The following CREB3L1 variants were observed in gnomAD, a reference collection of about 807,000 sequenced individuals.
The protein encoded by CREB3L1 is cAMP responsive element binding protein 3 like 1.
A neutral mutation model predicts 54.5 loss-of-function variants in CREB3L1; 33 were observed. That is an observed-to-expected ratio of 0.61 (90% CI 0.46 to 0.81). CREB3L1 has a LOEUF of 0.81. Ranked by LOEUF, CREB3L1 falls within the 30% of genes least tolerant of loss-of-function variation. CREB3L1 has a pLI of 0.00. For synonymous variants in CREB3L1, 284 were observed against 286.4 expected, an observed-to-expected ratio of 0.99 and a Z score of 0.08; for missense variants, 656 against 673.3, an observed-to-expected ratio of 0.97 and a Z score of 0.29.
At position 46,312,363 on chromosome 11, in the gene CREB3L1, G is replaced by A; in HGVS notation, c.792G>A (p.Glu264=). 1.2e-6 allele frequency: 2 copies of A among 1,612,666 alleles called. No homozygotes were observed. Among genetic ancestry groups the A allele is most frequent in the Non-Finnish European group, 1.7e-6 (2 of 1,179,284 alleles). The part of the protein sequence containing the change: ...QGTSGPLLLT[E]EEKRTLIAEG... The stretch of plus-strand genomic sequence containing the variant: ...CATCAGGGCCACTGCTCCTGACAGA[G>A]GAGGAGAAGCGGACCCTGATTGCTG... Residue 264 remains glutamate, a synonymous_variant, in exon 6 of 12, where the codon GAG becomes GAA. Transcript: ENST00000621158.
At chr11:46,279,169 ACGC>A (rs1938930744) in intron 1 of CREB3L1, among the ~76,000 whole-genome samples, 3 of 152,080 alleles carry the variant, frequency 2.0e-5, no homozygotes, top group Non-Finnish European at 4.4e-5. Flanking sequence ...GCCTGTTCAC[ACGC>A]CACACACACA....
At position 46,295,587 on chromosome 11, in the gene CREB3L1, C is replaced by A. The variant is rs905498104; in HGVS notation, c.103-4348C>A. Among the ~76,000 whole-genome samples the A allele has an allele frequency of 8.5e-5, 13 of 152,202 alleles. No homozygotes were observed. Among genetic ancestry groups the A allele is most frequent in the Non-Finnish European group, 1.6e-4 (11 of 68,034 alleles). On this transcript the variant is annotated intron_variant, in intron 1 of 11. Transcript: ENST00000621158. This position sits in a 1 kb window ranked among gnomAD's most constrained non-coding sequence, Gnocchi z 4.6. ...CTCAGCCGCGGGCCGTCGGCGCAGG[C>A]CGGGACCCTCCTCCGCGCGAGCCCT... is the stretch of plus-strand genomic sequence containing the variant.
intron 2 of CREB3L1, among the ~76,000 whole-genome samples, chr11:46,305,732 G>GTGTGTGTATA (rs1480133780): frequency 1.7e-5 from 2 of 118,472 alleles, no homozygotes; most frequent in African/African-American, 7.5e-5. Context: ...GTGTGTGTGT[G>GTGTGTGTATA]TATATATATA....
chr11:46,292,974 T>A (rs1939151638), intron 1 of CREB3L1, among the ~76,000 whole-genome samples: 1 of 152,000 alleles, frequency 6.6e-6, no homozygotes, highest in African/African-American at 2.4e-5. Context: ...GGGATCAGAG[T>A]TTGAGACTTG....
At chr11:46,301,252 A>C (rs975311029) in intron 2 of CREB3L1, among the ~76,000 whole-genome samples, 3 of 151,968 alleles carry the variant, frequency 2.0e-5, no homozygotes, top group African/African-American at 4.8e-5. Context: ...GAGGCACAAG[A>C]ACTGCTTGAA....
intron 1 of CREB3L1, among the ~76,000 whole-genome samples, chr11:46,293,341 G>C (rs1021905412): frequency 1.1e-4 from 16 of 152,210 alleles, no homozygotes; most frequent in Non-Finnish European, 1.5e-5. Flanking sequence ...GCTTCCTCCT[G>C]CCCAGACAGT....
At chr11:46,280,801 G>T (rs564072812) in intron 1 of CREB3L1, among the ~76,000 whole-genome samples, 1 of 152,208 alleles carries the variant, frequency 6.6e-6, no homozygotes, top group East Asian at 1.9e-4. Context: ...TCTTCATTCT[G>T]CATGAGGATA....
chr11:46,284,409 G>A (rs1246667342), intron 1 of CREB3L1, among the ~76,000 whole-genome samples: 2 of 152,152 alleles, frequency 1.3e-5, no homozygotes, highest in Admixed American at 6.5e-5. Context: ...CCAACACTTT[G>A]GGAGGCTGAG....
At chr11:46,311,511 T>C (rs943720034) in intron 5 of CREB3L1, among the ~76,000 whole-genome samples, 1 of 138,696 alleles carries the variant, frequency 7.2e-6, no homozygotes, top group Non-Finnish European at 1.5e-5. Flanking sequence ...TTTTTGTTTG[T>C]TTTTTTTTTT....
chr11:46,277,994 C>G lies in CREB3L1; in HGVS notation c.-118C>G. On this transcript the variant is annotated 5_prime_UTR_variant, in exon 1 of 12. Transcript: ENST00000621158. Reference sequence around the variant, plus strand: ...TCCGTCCGCCCCTCCCCCGGGGCTTCGCCCCGGACCTGCCCCCCGCCCGTT... The same window carrying G: ...TCCGTCCGCCCCTCCCCCGGGGCTTGGCCCCGGACCTGCCCCCCGCCCGTT... The G allele has an allele frequency of 3.1e-4, 93 of 303,508 alleles. No homozygotes were observed. The highest frequency in any genetic ancestry group is 1.0e-3 in the Middle Eastern group (1 of 968). The allele number at this position is 303,508 out of a possible 1,614,324, so 18.8% of individuals were successfully genotyped here.
chr11:46,288,392 T>A (rs1411982912), intron 1 of CREB3L1, among the ~76,000 whole-genome samples: 1 of 152,180 alleles, frequency 6.6e-6, no homozygotes, highest in Non-Finnish European at 1.5e-5. Context: ...CTCTTAGTTA[T>A]TTTAAAATTA....
At position 46,293,562 on chromosome 11, in the gene CREB3L1, C is replaced by T. The variant is rs539766914; in HGVS notation, c.103-6373C>T. On this transcript the variant is annotated intron_variant, in intron 1 of 11. Coordinates refer to ENST00000621158, the MANE Select transcript of CREB3L1 (RefSeq NM_052854.4). ...GACTCTGCTCTGCCTTGAAGTAGCC[C>T]GCGGCTGGCGCCAGCCTGCTGATTC... is the stretch of plus-strand genomic sequence containing the variant. Among the ~76,000 whole-genome samples, 777 of 152,348 alleles carry T rather than the reference C, an allele frequency of 5.1e-3. 2 individuals are homozygous for T. The highest frequency in any genetic ancestry group is 8.2e-3 in the Non-Finnish European group (557 of 68,028).
rs188086839 is a variant in CREB3L1 at position 46,315,400 on chromosome 11, C to T, written c.1032-886C>T. Reference sequence around the variant, plus strand: ...ATTTGCCCACCAAGCCTGTGCTGAACGCATTCTGTATGCACCCAGAAGATT... The same window carrying T: ...ATTTGCCCACCAAGCCTGTGCTGAATGCATTCTGTATGCACCCAGAAGATT... On this transcript the variant is annotated intron_variant, in intron 8 of 11. Coordinates refer to ENST00000621158, the MANE Select transcript of CREB3L1 (RefSeq NM_052854.4). 9.1e-4 allele frequency: 196 copies of T among 216,356 alleles called. 1 individual carries two copies. Among genetic ancestry groups the T allele is most frequent in the African/African-American group, 4.2e-3 (188 of 44,358 alleles). The allele number at this position is 216,356 out of a possible 1,614,324, so 13.4% of individuals were successfully genotyped here. A position where few individuals can be genotyped will look rare whatever the true frequency, so the allele number is the denominator to read the frequency against.
chr11:46,312,070 G>A (rs1255061983), intron 5 of CREB3L1, among the ~76,000 whole-genome samples: 1 of 152,148 alleles, frequency 6.6e-6, no homozygotes, highest in Non-Finnish European at 1.5e-5. Flanking sequence ...AGCTTTGAGG[G>A]TGCAGTCTCA....
intron 7 of CREB3L1, 28 bp from the exon 8 acceptor site, chr11:46,312,822 CT>C (rs2136355608): frequency 1.3e-6 from 2 of 1,574,908 alleles, no homozygotes; most frequent in Non-Finnish European, 1.7e-6. Flanking sequence ...GGGGCTGCCC[CT>C]GAGCCTGTGC....
At chr11:46,290,879 CA>C (rs1939120681) in intron 1 of CREB3L1, among the ~76,000 whole-genome samples, 1 of 152,118 alleles carries the variant, frequency 6.6e-6, no homozygotes, top group Non-Finnish European at 1.5e-5. Context: ...AGCTGGCCTG[CA>C]TAACTGTGGC....
rs1434878132 is a variant in CREB3L1 at position 46,320,879 on chromosome 11, A to G, written c.*133A>G. 1 of 948,858 alleles carries G rather than the reference A, an allele frequency of 1.1e-6. No individual in the cohort carries two copies. Among genetic ancestry groups the G allele is most frequent in the South Asian group, 1.4e-5 (1 of 72,160 alleles). The allele number at this position is 948,858 out of a possible 1,614,324, so 58.8% of individuals were successfully genotyped here. A position where few individuals can be genotyped will look rare whatever the true frequency, so the allele number is the denominator to read the frequency against. On this transcript the variant is annotated 3_prime_UTR_variant, in exon 12 of 12. Transcript: ENST00000621158. ...TCCAGGAGAAAAGGCTCCACTTCCC[A>G]GCCCTTCCTTGCCCCTGACATTTGG... is the stretch of plus-strand genomic sequence containing the variant.
rs1041018137 is a variant in CREB3L1, at chr11:46,277,874, C to T, written c.-238C>T. On this transcript the variant is annotated 5_prime_UTR_variant, in exon 1 of 12. Transcript: ENST00000621158. ...GAGGAGGTGGAGTCGGCTGAATGCC[C>T]ACGGTGCGCCCGGGGCCCCTGAGCC... 6.8e-5 allele frequency: 25 copies of T among 366,254 alleles called. No individual in the cohort carries two copies. The highest frequency in any genetic ancestry group is 5.3e-4 in the African/African-American group (25 of 47,604). 22.7% of individuals were successfully genotyped at this position (366,254 alleles called of 1,614,324 possible).
chr11:46,296,722 G>C (rs1432898288), intron 1 of CREB3L1, among the ~76,000 whole-genome samples: 2 of 152,144 alleles, frequency 1.3e-5, no homozygotes, highest in Non-Finnish European at 1.5e-5. Context: ...AGAGGACCTG[G>C]GCGTCGGAGT....
Sources: allele counts gnomAD v4.1 joint callset (sites outside exome capture counted in the v4.1 genomes callset), GRCh38; gene constraint gnomAD v4.1.1; non-coding constraint Gnocchi (gnomAD v3.1); transcripts MANE v1.5; gene names NCBI Gene and HGNC (gene_info 2026-07-23, HGNC 2026-07-21).